Variants in FAM216B observed in about 807,000 individuals in gnomAD.
FAM216B encodes the protein family with sequence similarity 216 member B, also known as protein FAM216B.
A neutral mutation model predicts 12.9 loss-of-function variants in FAM216B; 11 were observed. That is an observed-to-expected ratio of 0.86 (90% CI 0.54 to 1.42). The LOEUF is 1.42. FAM216B is among the 40% of genes most tolerant of loss of function. The pLI, the probability that FAM216B is intolerant of heterozygous loss-of-function variation, is 0.00. For synonymous variants in FAM216B, 52 were observed against 57.2 expected (o/e 0.91, Z 0.41); for missense variants, 167 against 162.9 (o/e 1.02, Z -0.14).
intron 1 of FAM216B, 113 bp from the exon 2 acceptor site, chr13:42,783,941 A>T: frequency 1.6e-6 from 1 of 607,880 alleles, no homozygotes; most frequent in African/African-American, 1.9e-5. Context: ...TATCCCTTAG[A>T]ACAAATTACA....
At chr13:42,788,070 A>G (rs1874159101) in intron 3 of FAM216B, among the ~76,000 whole-genome samples, 1 of 152,368 alleles carries the variant, frequency 6.6e-6, no homozygotes, top group South Asian at 2.1e-4. Flanking sequence ...ATAGAAGCCA[A>G]TGAATCCAGA....
At chr13:42,783,904 T>C (rs555562098) in intron 1 of FAM216B, 150 bp from the exon 2 acceptor site, 12 of 460,518 alleles carry the variant, frequency 2.6e-5, no homozygotes, top group African/African-American at 1.0e-4. Flanking sequence ...TGATGTCCAA[T>C]TACTTGGAAA....
intron 2 of FAM216B, among the ~76,000 whole-genome samples, chr13:42,785,958 T>G (rs1471707223): frequency 6.6e-6 from 1 of 152,158 alleles, no homozygotes; most frequent in East Asian, 1.9e-4. Flanking sequence ...AAAAAAATTT[T>G]GCAGGCATTG....
intron 2 of FAM216B, among the ~76,000 whole-genome samples, chr13:42,784,664 A>C (rs1874009596): frequency 3.9e-5 from 2 of 51,380 alleles, no homozygotes; most frequent in African/African-American, 9.6e-5. Flanking sequence ...AAAAATACAA[A>C]AAAAAAAAAA....
rs74056843 is a variant in FAM216B at position 42,785,061 on chromosome 13, C to T, written c.99+895C>T. On this transcript the variant is annotated intron_variant, in intron 2 of 3. Coordinates refer to ENST00000313851, the MANE Select transcript of FAM216B (RefSeq NM_001318932.2). ...ATCTTCTATGGAAACTCCCATTGTA[C>T]TTTGGAGTCCTGCTCTTGAAATTGG... is the stretch of plus-strand genomic sequence containing the variant. Among the ~76,000 whole-genome samples, 662 of 152,180 alleles carry T rather than the reference C, an allele frequency of 4.4e-3. 1 individual carries two copies. Among genetic ancestry groups the T allele is most frequent in the African/African-American group, 0.015 (641 of 41,530 alleles).
At chr13:42,786,663 G>A (rs1229912770) in intron 2 of FAM216B, 100 bp from the exon 3 acceptor site, 14 of 1,351,180 alleles carry the variant, frequency 1.0e-5, no homozygotes, top group East Asian at 2.7e-5. Context: ...TGGTTAGCAA[G>A]AAAAGCCTCT....
chr13:42,784,173 C>CCTTT lies in FAM216B; in HGVS notation c.99+7_99+8insCTTT. 2.7e-6 allele frequency: 2 copies of CCTTT among 750,742 alleles called. No individual in the cohort carries two copies. The highest frequency in any genetic ancestry group is 3.6e-6 in the Non-Finnish European group (2 of 557,182). 46.5% of individuals were successfully genotyped at this position (750,742 alleles called of 1,614,324 possible). On this transcript the variant is annotated splice_region_variant and intron_variant, in intron 2 of 3. Transcript: ENST00000313851. Reference sequence around the variant, plus strand: ...TGACACTTCCTTACTAAAGGTATGGCTTTTTTTTTTTTTTTTTTTTCACAG... The same window carrying CCTTT: ...TGACACTTCCTTACTAAAGGTATGGCCTTTTTTTTTTTTTTTTTTTTTTTCACAG...
At chr13:42,782,650 A>T (rs1315470949) in intron 1 of FAM216B, among the ~76,000 whole-genome samples, 2 of 152,198 alleles carry the variant, frequency 1.3e-5, no homozygotes, top group African/African-American at 4.8e-5. Flanking sequence ...TGATTTGGCA[A>T]CCTATTCCAA....
At chr13:42,785,916 C>T (rs931885544) in intron 2 of FAM216B, among the ~76,000 whole-genome samples, 1 of 152,130 alleles carries the variant, frequency 6.6e-6, no homozygotes, top group African/African-American at 2.4e-5. Flanking sequence ...ATGCCAGGAG[C>T]ACCCCCTCCT....
chr13:42,788,778 G>C lies in FAM216B; in HGVS notation c.408G>C (p.Val136=). 1 of 1,609,192 alleles carries C rather than the reference G, an allele frequency of 6.2e-7. No homozygotes were observed. The highest frequency in any genetic ancestry group is 1.1e-5 in the South Asian group (1 of 90,220). Reference sequence around the variant, plus strand: ...GGGCCCAAAGTAAAAGGCGCCAAGTGCTCAGGAACTGAGACTTGGCAGCAT... The same window carrying C: ...GGGCCCAAAGTAAAAGGCGCCAAGTCCTCAGGAACTGAGACTTGGCAGCAT... ...LPRAQSKRRQ[V]LRN The change falls in exon 4 of 4, where the codon GTG becomes GTC. Residue 136 remains valine (V), a synonymous_variant. Coordinates refer to ENST00000313851, the MANE Select transcript of FAM216B (RefSeq NM_001318932.2).
rs1305204537 is a variant in FAM216B at position 42,789,865 on chromosome 13, A to C, written c.*1075A>C. 1 of 152,200 alleles carries C rather than the reference A, an allele frequency of 6.6e-6. No individual in the cohort carries two copies. Among genetic ancestry groups the C allele is most frequent in the African/African-American group, 2.4e-5 (1 of 41,444 alleles). The allele number at this position is 152,200 out of a possible 1,614,324, so 9.4% of individuals were successfully genotyped here. A position where few individuals can be genotyped will look rare whatever the true frequency, so the allele number is the denominator to read the frequency against. On this transcript the variant is annotated 3_prime_UTR_variant, in exon 4 of 4. Coordinates refer to ENST00000313851, the MANE Select transcript of FAM216B (RefSeq NM_001318932.2). Reference sequence around the variant, plus strand: ...ATATGCTGCATTATTATCAGAAAAAAAATCATTATCTTCTCTTTGCAATCA... The same window carrying C: ...ATATGCTGCATTATTATCAGAAAAACAATCATTATCTTCTCTTTGCAATCA...
intron 3 of FAM216B, 77 bp from the exon 4 acceptor site, chr13:42,788,514 A>G: frequency 8.2e-7 from 1 of 1,226,708 alleles, no homozygotes; most frequent in South Asian, 1.6e-5. Flanking sequence ...ACACATAAGT[A>G]AATATTTGCA....
chr13:42,783,307 C>A (rs1566063745), intron 1 of FAM216B, among the ~76,000 whole-genome samples: 1 of 151,798 alleles, frequency 6.6e-6, no homozygotes, highest in Non-Finnish European at 1.5e-5. Context: ...GACTCTGTCT[C>A]AAAAAAACAT....
chr13:42,788,894 T>A lies in FAM216B; in HGVS notation c.*104T>A. On this transcript the variant is annotated 3_prime_UTR_variant, in exon 4 of 4. Coordinates refer to ENST00000313851, the MANE Select transcript of FAM216B (RefSeq NM_001318932.2). ...GAATGACAGTGAATAATTTCTAATA[T>A]AAACCCCAGACCTAAAAATAATCTC... 1 of 1,141,344 alleles carries A rather than the reference T, an allele frequency of 8.8e-7. No homozygotes were observed. The allele number at this position is 1,141,344 out of a possible 1,614,324, so 70.7% of individuals were successfully genotyped here.
chr13:42,790,852 G>C lies in FAM216B; in HGVS notation c.*2062G>C, dbSNP rs74056887. The C allele has an allele frequency of 1.3e-5, 2 of 152,162 alleles. No individual in the cohort carries two copies. Among genetic ancestry groups the C allele is most frequent in the East Asian group, 3.8e-4 (2 of 5,198 alleles). The allele number at this position is 152,162 out of a possible 1,614,324, so 9.4% of individuals were successfully genotyped here. ...AGCACCTAGAATGGCCCCCGGTTGC[G>C]GTAGGCAATCAATAATACTCTTTGA... On this transcript the variant is annotated 3_prime_UTR_variant, in exon 4 of 4. Coordinates refer to ENST00000313851, the MANE Select transcript of FAM216B (RefSeq NM_001318932.2).
At chr13:42,783,263 G>A (rs117259528) in intron 1 of FAM216B, among the ~76,000 whole-genome samples, 197 of 152,264 alleles carry the variant, frequency 1.3e-3, no homozygotes, top group Non-Finnish European at 2.2e-3. Context: ...AGCTATAGTC[G>A]CACCACTGTG....
In FAM216B at chr13:42,788,731, C is replaced by T; in HGVS notation, c.361C>T (p.Pro121Ser). 1 of 1,613,862 alleles carries T rather than the reference C, an allele frequency of 6.2e-7. No individual in the cohort carries two copies. The highest frequency in any genetic ancestry group is 8.5e-7 in the Non-Finnish European group (1 of 1,179,828). Residue 121 changes from proline to serine, a missense_variant, in exon 4 of 4, where the codon CCT becomes TCT. By Grantham distance (74) the Pro-to-Ser change is moderately conservative. Transcript: ENST00000313851. ...AMTRRCPSVLPVSVVLPRAQS... is the reference protein window; with the variant it reads ...AMTRRCPSVLSVSVVLPRAQS... ...GACAAGAAGATGTCCATCAGTACTACCTGTATCTGTGGTTCTACCTAGGGC... is the reference window on the plus strand; with the variant it reads ...GACAAGAAGATGTCCATCAGTACTATCTGTATCTGTGGTTCTACCTAGGGC...
intron 2 of FAM216B, among the ~76,000 whole-genome samples, chr13:42,785,227 T>C (rs1043163082): frequency 2.6e-5 from 4 of 152,194 alleles, no homozygotes; most frequent in African/African-American, 9.6e-5. Context: ...TGTCTCAAAT[T>C]ATGAAGTACT....
At chr13:42,787,873 A>C (rs2138036580) in intron 3 of FAM216B, among the ~76,000 whole-genome samples, 1 of 152,334 alleles carries the variant, frequency 6.6e-6, no homozygotes, top group Non-Finnish European at 1.5e-5. Context: ...TGTATGTGGC[A>C]GGTGTCTTTA....
Sources: gnomAD v4.1 joint callset for allele counts (sites outside exome capture counted in the v4.1 genomes callset) on GRCh38, gnomAD v4.1.1 for gene constraint, MANE v1.5 for transcripts, NCBI Gene and HGNC (gene_info 2026-07-23, HGNC 2026-07-21) for gene names.